Variants in COPG1 observed in about 807,000 individuals in gnomAD.
COPG1 encodes the protein coatomer subunit gamma-1.
In COPG1, 29 loss-of-function variants were observed where a neutral mutation model predicts 102.8. The ratio of observed to expected loss-of-function variants is 0.28; its 90% confidence interval spans 0.21 to 0.38. COPG1 has a LOEUF of 0.38. Among genes scored for constraint, COPG1 ranks in the 10% least tolerant of loss-of-function variants. COPG1 has a pLI of 1.00. For missense variants in COPG1, 875 were observed against 1,132.7 expected (o/e 0.77, Z 3.27); for synonymous variants, 406 against 421.6 (o/e 0.96, Z 0.45).
intron 18 of COPG1, 123 bp downstream of exon 18, chr3:129,269,123 A>G: frequency 2.5e-6 from 2 of 801,470 alleles, no homozygotes; most frequent in South Asian, 1.5e-5. Context: ...CTTTAGACCT[A>G]CTATCACATT....
intron 15 of COPG1, among the ~76,000 whole-genome samples, chr3:129,267,399 A>C (rs1576967897): frequency 6.6e-6 from 1 of 152,176 alleles, no homozygotes; most frequent in African/African-American, 2.4e-5. Context: ...AGGCGGGCGG[A>C]TCACAAGGTC....
In COPG1 at chr3:129,252,646, A is replaced by C. The variant is rs761901616; in HGVS notation, c.195A>C (p.Glu65Asp). The change falls in exon 4 of 24, where the codon GAA becomes GAC. Residue 65 changes from glutamate to aspartate, a missense_variant. By Grantham distance (45) the Glu-to-Asp change is conservative. Transcript: ENST00000314797. ...AGGGGGAGCACCTGGGGACCACGGA[A>C]GCGACCGAGGCCTTCTTTGCCATGA... ...INQGEHLGTT[E>D]ATEAFFAMTK... 6 of 1,614,016 alleles carry C rather than the reference A, an allele frequency of 3.7e-6. No homozygotes were observed. The East Asian group carries it at 1.1e-4, about 30-fold the overall frequency.
intron 2 of COPG1, among the ~76,000 whole-genome samples, chr3:129,251,407 C>T (rs1268245459): frequency 4.8e-5 from 7 of 146,204 alleles, no homozygotes; most frequent in South Asian, 2.2e-4. Context: ...TTTTAGAAGG[C>T]GTCTCACTCT....
intron 7 of COPG1, among the ~76,000 whole-genome samples, chr3:129,255,484 C>CTTCTTTTT (rs1939790658): frequency 1.6e-5 from 2 of 122,638 alleles, no homozygotes; most frequent in Admixed American, 1.6e-4. Context: ...GCCTCTCTTT[C>CTTCTTTTT]TTCTTTTTTT....
chr3:129,273,461 G>T (rs1940217607), intron 21 of COPG1, among the ~76,000 whole-genome samples: 3 of 152,248 alleles, frequency 2.0e-5, no homozygotes. Context: ...TTTTTGGGGG[G>T]AAGTGGTATA....
chr3:129,264,833 T>G (rs549916318), intron 13 of COPG1, among the ~76,000 whole-genome samples: 42 of 151,962 alleles, frequency 2.8e-4, no homozygotes, highest in African/African-American at 1.0e-3. Context: ...TTTTTTTTTT[T>G]TCTGTTGAGT....
Position 129,271,926 on chromosome 3 carries a change from G to A in COPG1, c.1986+17G>A, listed in dbSNP as rs1029158130. On this transcript the variant is annotated intron_variant, in intron 19 of 23. Transcript: ENST00000314797. The surrounding 1 kb of genome is among the most constrained non-coding windows in gnomAD (Gnocchi z 4.7). ...GTTTTTCAGGTGAGCAAGGTGGGCT[G>A]AGGCCCTGCTGGGGCATGCGCCCAG... 1 of 1,613,046 alleles carries A rather than the reference G, an allele frequency of 6.2e-7. No individual in the cohort carries two copies. Among genetic ancestry groups the A allele is most frequent in the Non-Finnish European group, 8.5e-7 (1 of 1,179,504 alleles).
At chr3:129,265,186 G>T (rs1220571956) in intron 13 of COPG1, among the ~76,000 whole-genome samples, 1 of 151,876 alleles carries the variant, frequency 6.6e-6, no homozygotes. Context: ...CAACCTCCTG[G>T]GATCAAGCAA....
At chr3:129,253,301 G>A (rs565734592) in intron 5 of COPG1, among the ~76,000 whole-genome samples, 1 of 152,210 alleles carries the variant, frequency 6.6e-6, no homozygotes, top group South Asian at 2.1e-4. Flanking sequence ...ACTGGTGTCT[G>A]CTTTAAGCTA....
intron 12 of COPG1, among the ~76,000 whole-genome samples, chr3:129,262,047 G>A (rs769702111): frequency 2.6e-5 from 4 of 152,072 alleles, no homozygotes; most frequent in African/African-American, 4.8e-5. Context: ...TGCAAAGTAG[G>A]CAGCAGTCTA....
At chr3:129,268,065 G>A (rs200247225) in intron 16 of COPG1, 25 bp downstream of exon 16, 1 of 1,567,612 alleles carries the variant, frequency 6.4e-7, no homozygotes, top group African/African-American at 1.3e-5. Context: ...GGCTATCTTG[G>A]ACTCAGCACC....
intron 18 of COPG1, among the ~76,000 whole-genome samples, chr3:129,269,751 C>T (rs968782115): frequency 6.6e-6 from 1 of 152,034 alleles, no homozygotes. Context: ...TAATTGGGAT[C>T]GCTATAACAT....
In COPG1 at chr3:129,257,496, T is replaced by C. The variant is rs1299021824; in HGVS notation, c.606T>C (p.His202=). 2 of 1,614,216 alleles carry C rather than the reference T, an allele frequency of 1.2e-6. No individual in the cohort carries two copies. Among genetic ancestry groups the C allele is most frequent in the South Asian group, 1.1e-5 (1 of 91,092 alleles). ...ACCACGCACTAGGGCTCCTGTACCA[T>C]GTGCGTAAGAATGACCGCCTAGCCG... ...VQYHALGLLY[H]VRKNDRLAVN... is the part of the protein sequence containing the mutation. Residue 202 remains histidine, a synonymous_variant, in exon 9 of 24, where the codon CAT becomes CAC. Coordinates refer to ENST00000314797, the MANE Select transcript of COPG1 (RefSeq NM_016128.4).
intron 21 of COPG1, among the ~76,000 whole-genome samples, chr3:129,273,153 G>T (rs575267859): frequency 6.6e-6 from 1 of 152,182 alleles, no homozygotes; most frequent in African/African-American, 2.4e-5. Flanking sequence ...CTCCCAAGTA[G>T]CTGGGATTAC....
chr3:129,264,194 T>C (rs918923045), intron 13 of COPG1, among the ~76,000 whole-genome samples, 195 bp downstream of exon 13: 1 of 152,178 alleles, frequency 6.6e-6, no homozygotes. Flanking sequence ...CAGTAATAAC[T>C]ATGACTCACC....
rs1940198288 is a variant in COPG1 at position 129,272,318 on chromosome 3, T to C, written c.2061T>C (p.Tyr687=). ...TGCAGATGGAGCCCACTGAGGCCTATGAGGTGCTCTGTTACGTGCCTGCCC... is the reference window on the plus strand; with the variant it reads ...TGCAGATGGAGCCCACTGAGGCCTACGAGGTGCTCTGTTACGTGCCTGCCC... The part of the protein sequence containing the change: ...VTVQMEPTEA[Y]EVLCYVPARS... Residue 687 remains tyrosine, a synonymous_variant, in exon 20 of 24, where the codon TAT becomes TAC. Transcript: ENST00000314797. 6.2e-7 allele frequency: 1 copy of C among 1,613,906 alleles called. No individual in the cohort carries two copies. Among genetic ancestry groups the C allele is most frequent in the Non-Finnish European group, 8.5e-7 (1 of 1,179,892 alleles).
chr3:129,256,791 C>G (rs1939819382), intron 8 of COPG1, among the ~76,000 whole-genome samples: 1 of 152,230 alleles, frequency 6.6e-6, no homozygotes, highest in Admixed American at 6.5e-5. Context: ...GCTGTGGCCC[C>G]TCAAAACACT....
chr3:129,274,586 C>T (rs1012463613), intron 21 of COPG1, among the ~76,000 whole-genome samples: 1 of 152,166 alleles, frequency 6.6e-6, no homozygotes, highest in Non-Finnish European at 1.5e-5. Flanking sequence ...TCACAGCAGG[C>T]GGCTCTAGGC....
chr3:129,262,039 CA>C (rs1279624847), intron 12 of COPG1, among the ~76,000 whole-genome samples: 2 of 152,032 alleles, frequency 1.3e-5, no homozygotes, highest in Middle Eastern at 3.2e-3. Context: ...GTGGATTATG[CA>C]AAGTAGGCAG....
Sources: gnomAD v4.1 joint callset for allele counts (sites outside exome capture counted in the v4.1 genomes callset) on GRCh38, gnomAD v4.1.1 for gene constraint, Gnocchi (gnomAD v3.1) non-coding constraint, MANE v1.5 for transcripts, NCBI Gene and HGNC (gene_info 2026-07-23, HGNC 2026-07-21) for gene names.